Variants in ANKRD42 observed in about 807,000 individuals in gnomAD.
ANKRD42 encodes the protein ankyrin repeat domain-containing protein 42.
ANKRD42 carries 43 observed loss-of-function variants against 51.5 expected under a neutral mutation model. The ratio of observed to expected loss-of-function variants is 0.83; its 90% CI spans 0.65 to 1.08. The LOEUF is 1.08. Among genes scored for constraint, ANKRD42 ranks in the 50% least tolerant of loss-of-function variants. ANKRD42 has a pLI of 0.00. For missense variants in ANKRD42, 608 were observed against 629.3 expected, an observed-to-expected ratio of 0.97 and a Z score of 0.36; for synonymous variants, 203 against 213.0, an observed-to-expected ratio of 0.95 and a Z score of 0.41.
intron 9 of ANKRD42, among the ~76,000 whole-genome samples, chr11:83,244,363 A>C (rs1863481966): frequency 6.6e-6 from 1 of 152,134 alleles, no homozygotes; most frequent in Non-Finnish European, 1.5e-5. Flanking sequence ...AAAGCATCCC[A>C]TTTGATTCAG....
At position 83,227,877 on chromosome 11, in the gene ANKRD42, G is replaced by A; in HGVS notation, c.913+5G>A. Reference sequence around the variant, plus strand: ...GATCAACTCCTATGCATAAAGGTGAGTTATGATTCCTCCTTTCAGTTCGGA... The same window carrying A: ...GATCAACTCCTATGCATAAAGGTGAATTATGATTCCTCCTTTCAGTTCGGA... On this transcript the variant is annotated splice_donor_5th_base_variant and intron_variant, in intron 7 of 10. Coordinates refer to ENST00000533342, the MANE Select transcript of ANKRD42 (RefSeq NM_001300975.2). The A allele has an allele frequency of 6.3e-7, 1 of 1,593,264 alleles. No homozygotes were observed. Among genetic ancestry groups the A allele is most frequent in the Non-Finnish European group, 8.5e-7 (1 of 1,173,190 alleles).
chr11:83,200,360 C>G (rs1861820864), intron 2 of ANKRD42, among the ~76,000 whole-genome samples: 1 of 152,158 alleles, frequency 6.6e-6, no homozygotes, highest in Non-Finnish European at 1.5e-5. Context: ...TTTATTTGCT[C>G]TCTCTCCTGA....
At chr11:83,256,457 T>A (rs1013353874), downstream of ANKRD42, among the ~76,000 whole-genome samples, 1 of 152,208 alleles carries the variant, frequency 6.6e-6, no homozygotes, top group African/African-American at 2.4e-5. Flanking sequence ...CCTCTTTTTC[T>A]CCTTGATCTT....
chr11:83,197,447 T>A (rs1243238545), intron 1 of ANKRD42, among the ~76,000 whole-genome samples: 3 of 152,206 alleles, frequency 2.0e-5, no homozygotes, highest in Admixed American at 6.5e-5. Context: ...AAAGATGTAA[T>A]AAAAGTAAGA....
intron 1 of ANKRD42, among the ~76,000 whole-genome samples, chr11:83,195,970 C>G (rs1003424299): frequency 6.6e-6 from 1 of 151,886 alleles, no homozygotes; most frequent in African/African-American, 2.4e-5. Flanking sequence ...GTCAGCCTCC[C>G]GAGTAGCTAG....
intron 2 of ANKRD42, among the ~76,000 whole-genome samples, chr11:83,199,626 A>G (rs1164502415): frequency 2.0e-5 from 3 of 152,172 alleles, no homozygotes; most frequent in East Asian, 1.9e-4. Flanking sequence ...GTCCAAGGCT[A>G]ACTAGCACTT....
intron 1 of ANKRD42, 38 bp downstream of exon 1, chr11:83,194,766 T>C: frequency 6.5e-7 from 1 of 1,533,280 alleles, no homozygotes; most frequent in Non-Finnish European, 8.8e-7. Context: ...CTCTGTCGTA[T>C]TCCTTTTCTC....
chr11:83,205,614 A>T (rs778745884), intron 2 of ANKRD42, among the ~76,000 whole-genome samples: 4 of 152,238 alleles, frequency 2.6e-5, no homozygotes, highest in Non-Finnish European at 5.9e-5. Context: ...TAGAATCACT[A>T]GAATAACAAT....
At chr11:83,249,220 T>C (rs561053048), downstream of ANKRD42, among the ~76,000 whole-genome samples, 2 of 152,288 alleles carry the variant, frequency 1.3e-5, no homozygotes, top group East Asian at 3.9e-4. Context: ...TTTTTTCTTT[T>C]TTTGGACAGG....
At chr11:83,201,167 A>G (rs190553934) in intron 2 of ANKRD42, among the ~76,000 whole-genome samples, 28 of 151,900 alleles carry the variant, frequency 1.8e-4, no homozygotes, top group African/African-American at 6.8e-4. Flanking sequence ...ACCCCCCGAC[A>G]GGCCCCAGTG....
At chr11:83,242,567 G>GTTTTTTTTTTTT (rs539259244) in intron 9 of ANKRD42, among the ~76,000 whole-genome samples, 1,301 of 115,456 alleles carry the variant, frequency 0.011, 111 homozygotes, top group African/African-American at 0.042. Context: ...TGGTAGTTAA[G>GTTTTTTTTTTTT]TTTTTTTTTT....
intron 3 of ANKRD42, chr11:83,209,376 G>A (rs1862213996): frequency 3.2e-6 from 5 of 1,538,792 alleles, no homozygotes; most frequent in Non-Finnish European, 4.4e-6. Context: ...GCGCGGGGCT[G>A]CAGGCTAGCA....
chr11:83,202,190 C>A (rs1458610404), intron 2 of ANKRD42, among the ~76,000 whole-genome samples: 3 of 152,120 alleles, frequency 2.0e-5, no homozygotes, highest in Non-Finnish European at 4.4e-5. Context: ...GAAAGGGATC[C>A]AGTTTCAGTT....
At chr11:83,217,459 C>G (rs1862577009) in intron 5 of ANKRD42, among the ~76,000 whole-genome samples, 1 of 152,244 alleles carries the variant, frequency 6.6e-6, no homozygotes. Context: ...AGGTTACAGG[C>G]TGTCCTAAGA....
chr11:83,214,604 G>C lies in ANKRD42; in HGVS notation c.586+3174G>C, dbSNP rs923640651. ...ATAAAATTATTTTTTATTGATAAAT[G>C]TACATATTTTTGGTGTACATGTGAT... On this transcript the variant is annotated intron_variant, in intron 5 of 10. Coordinates refer to ENST00000533342, the MANE Select transcript of ANKRD42 (RefSeq NM_001300975.2). 4 of 958,496 alleles carry C rather than the reference G, an allele frequency of 4.2e-6. No homozygotes were observed. The Admixed American group carries it at 2.5e-4, about 59-fold the overall frequency. 59.4% of individuals were successfully genotyped at this position (958,496 alleles called of 1,614,324 possible). A position where few individuals can be genotyped will look rare whatever the true frequency, so the allele number is the denominator to read the frequency against.
rs1314399831 is a variant in ANKRD42 at position 83,193,872 on chromosome 11, C to T, written c.-799C>T. 4.4e-6 allele frequency: 2 copies of T among 454,838 alleles called. No homozygotes were observed. Among genetic ancestry groups the T allele is most frequent in the African/African-American group, 4.0e-5 (2 of 49,990 alleles). 28.2% of individuals were successfully genotyped at this position (454,838 alleles called of 1,614,324 possible). On this transcript the variant is annotated 5_prime_UTR_variant, in exon 1 of 11. In the 5' UTR this introduces an upstream ATG that the reference lacks. Transcript: ENST00000533342. ...ACGGTGGCCGCCGCACTAGCCACCA[C>T]GTGTGGAGGATAAACGGTCTACACG...
chr11:83,258,349 A>G (rs911658418), downstream of ANKRD42, among the ~76,000 whole-genome samples: 1 of 151,960 alleles, frequency 6.6e-6, no homozygotes, highest in Admixed American at 6.5e-5. Flanking sequence ...AATGAAACAA[A>G]AAAAAAAGGT....
intron 7 of ANKRD42, among the ~76,000 whole-genome samples, chr11:83,228,134 T>TAAGATGTG: frequency 6.6e-6 from 1 of 151,692 alleles, no homozygotes; most frequent in African/African-American, 2.4e-5. Flanking sequence ...TCATGTTAGT[T>TAAGATGTG]AAGATGTGAA....
chr11:83,210,110 A>AAAAAAAAAAC (rs1862251932), intron 3 of ANKRD42, 190 bp from the exon 4 acceptor site: 1 of 497,352 alleles, frequency 2.0e-6, no homozygotes. Flanking sequence ...TTGTAATCTA[A>AAAAAAAAAAC]AAAAAAAAAC....
Sources: allele counts gnomAD v4.1 joint callset (sites outside exome capture counted in the v4.1 genomes callset), GRCh38; gene constraint gnomAD v4.1.1; transcripts MANE v1.5; gene names NCBI Gene and HGNC (gene_info 2026-07-23, HGNC 2026-07-21).